AEBP2: variants seen among roughly 807,000 people sequenced by gnomAD.
The protein encoded by AEBP2 is zinc finger protein AEBP2.
A neutral mutation model predicts 50.8 loss-of-function variants in AEBP2; 10 were observed. The observed-to-expected ratio is 0.20, with a 90% CI of 0.12 to 0.33. The LOEUF is 0.33. Among genes scored for constraint, AEBP2 ranks in the 10% least tolerant of loss-of-function variants. The pLI, the probability that AEBP2 is intolerant of heterozygous loss-of-function variation, is 1.00. For synonymous variants in AEBP2, 296 were observed against 261.3 expected (o/e 1.13, Z -1.28); for missense variants, 570 against 688.0 (o/e 0.83, Z 1.92).
rs1274690682 is a variant in AEBP2 at position 19,457,277 on chromosome 12, C to T, written c.672-5233C>T. 3.8e-6 allele frequency: 6 copies of T among 1,579,364 alleles called. No homozygotes were observed. In the African/African-American group the frequency reaches 8.1e-5, roughly 21 times the overall value. ...GAGATACCAGCTTCAAATTCACCAA[C>T]ACTGGCAGCAACAATCAGGACAGCA... On this transcript the variant is annotated intron_variant, in intron 1 of 7. Coordinates refer to ENST00000266508, the MANE Select transcript of AEBP2 (RefSeq NM_153207.5).
At chr12:19,508,955 A>G (rs1032481369) in intron 5 of AEBP2, 11 of 468,506 alleles carry the variant, frequency 2.3e-5, no homozygotes, top group Non-Finnish European at 3.7e-5. Context: ...TACAGCCTCT[A>G]ACAAAACAAG....
chr12:19,449,830 C>T (rs1284092578), intron 1 of AEBP2, among the ~76,000 whole-genome samples: 1 of 152,072 alleles, frequency 6.6e-6, no homozygotes, highest in Admixed American at 6.5e-5. Flanking sequence ...AAAAATACTA[C>T]TTAAGTTTCT....
At chr12:19,436,064 G>A (rs755860136), upstream of AEBP2, among the ~76,000 whole-genome samples, 3 of 152,130 alleles carry the variant, frequency 2.0e-5, no homozygotes, top group Non-Finnish European at 2.9e-5. Context: ...CAAGATACAG[G>A]TCACAAACTC....
At chr12:19,485,793 TAATGA>T (rs1948799553) in intron 3 of AEBP2, among the ~76,000 whole-genome samples, 1 of 150,590 alleles carries the variant, frequency 6.6e-6, no homozygotes, top group African/African-American at 2.4e-5. Context: ...GAAACTTAAA[TAATGA>T]AATGTAAGTT....
At chr12:19,493,184 A>G (rs866182396) in intron 3 of AEBP2, among the ~76,000 whole-genome samples, 1 of 152,090 alleles carries the variant, frequency 6.6e-6, no homozygotes, top group South Asian at 2.1e-4. Flanking sequence ...GGCAGATCAC[A>G]TGAGGCCAGG....
intron 1 of AEBP2, among the ~76,000 whole-genome samples, chr12:19,459,608 C>T (rs1948336422): frequency 6.6e-6 from 1 of 152,148 alleles, no homozygotes. Flanking sequence ...CAAGGTTAGT[C>T]TTGCAACAAC....
intron 4 of AEBP2, among the ~76,000 whole-genome samples, chr12:19,499,201 A>G (rs954089654): frequency 1.3e-5 from 2 of 152,206 alleles, no homozygotes; most frequent in Non-Finnish European, 2.9e-5. Context: ...CACACACGTG[A>G]TAACTGGTGG....
intron 2 of AEBP2, among the ~76,000 whole-genome samples, chr12:19,464,136 GT>G (rs1948429064): frequency 2.0e-5 from 3 of 152,122 alleles, no homozygotes; most frequent in Admixed American, 2.0e-4. Flanking sequence ...CCTATGATCT[GT>G]TAACTAACTG....
chr12:19,452,058 T>C (rs1389591891), intron 1 of AEBP2, among the ~76,000 whole-genome samples: 1 of 152,028 alleles, frequency 6.6e-6, no homozygotes, highest in Non-Finnish European at 1.5e-5. Flanking sequence ...ACCCAGCTAA[T>C]TTTTGTATTT....
At chr12:19,440,763 C>G (rs1343180579) in intron 1 of AEBP2, 1 of 1,533,466 alleles carries the variant, frequency 6.5e-7, no homozygotes, top group Non-Finnish European at 8.7e-7. Context: ...GAACACTTGT[C>G]AGAACTACAA....
intron 3 of AEBP2, among the ~76,000 whole-genome samples, chr12:19,481,073 T>A (rs1383916745): frequency 6.7e-6 from 1 of 149,654 alleles, no homozygotes; most frequent in East Asian, 2.0e-4. Flanking sequence ...CTACTGTTAT[T>A]GAAACTTTGC....
intron 4 of AEBP2, among the ~76,000 whole-genome samples, chr12:19,494,721 A>G (rs954107486): frequency 1.3e-5 from 2 of 151,950 alleles, no homozygotes; most frequent in African/African-American, 2.4e-5. Context: ...CATAGTACCT[A>G]GTCTATTGTA....
At chr12:19,458,360 C>T (rs541386333) in intron 1 of AEBP2, among the ~76,000 whole-genome samples, 4 of 152,290 alleles carry the variant, frequency 2.6e-5, no homozygotes, top group South Asian at 2.1e-4. Flanking sequence ...TGAAGCAGAA[C>T]TTCTGTTGGC....
intron 1 of AEBP2, among the ~76,000 whole-genome samples, chr12:19,428,549 C>G (rs1438016896): frequency 6.6e-6 from 1 of 152,196 alleles, no homozygotes; most frequent in Non-Finnish European, 1.5e-5. Flanking sequence ...CGGTGGCTCA[C>G]GCCTGTAATT....
At chr12:19,481,512 C>A (rs1361953234) in intron 3 of AEBP2, among the ~76,000 whole-genome samples, 1 of 150,640 alleles carries the variant, frequency 6.6e-6, no homozygotes, top group African/African-American at 2.4e-5. Flanking sequence ...TGTTCTGTCA[C>A]CCAGGCTGGA....
At chr12:19,505,980 G>A (rs1193885991) in intron 5 of AEBP2, among the ~76,000 whole-genome samples, 2 of 151,522 alleles carry the variant, frequency 1.3e-5, no homozygotes, top group Admixed American at 1.3e-4. Context: ...TTGTAGAGAT[G>A]ACATCTTGCT....
At chr12:19,489,055 C>G (rs1948858232) in intron 3 of AEBP2, among the ~76,000 whole-genome samples, 1 of 152,110 alleles carries the variant, frequency 6.6e-6, no homozygotes, top group South Asian at 2.1e-4. Flanking sequence ...TGCCAGAGTG[C>G]TGGGATTACA....
rs1949394664 is a variant in AEBP2, at chr12:19,521,296, A to G, written c.*3179A>G. On this transcript the variant is annotated 3_prime_UTR_variant, in exon 8 of 8. Coordinates refer to ENST00000266508, the MANE Select transcript of AEBP2 (RefSeq NM_153207.5). Reference sequence around the variant, plus strand: ...TAGTGAAAGCTGTTTCATGTATTTTACAGTAAATACTGCCATATTAGGTAC... The same window carrying G: ...TAGTGAAAGCTGTTTCATGTATTTTGCAGTAAATACTGCCATATTAGGTAC... The G allele has an allele frequency of 6.6e-6, 1 of 152,178 alleles. No homozygotes were observed. The highest frequency in any genetic ancestry group is 2.1e-4 in the South Asian group (1 of 4,826). The allele number at this position is 152,178 out of a possible 1,614,324, so 9.4% of individuals were successfully genotyped here.
chr12:19,494,602 A>T (rs1406464060), intron 4 of AEBP2, among the ~76,000 whole-genome samples: 1 of 151,280 alleles, frequency 6.6e-6, no homozygotes, highest in Non-Finnish European at 1.5e-5. Flanking sequence ...GCTGGTCTCA[A>T]ACTCCCGACC....
Sources: allele counts gnomAD v4.1 joint callset (sites outside exome capture counted in the v4.1 genomes callset), GRCh38; gene constraint gnomAD v4.1.1; transcripts MANE v1.5; gene names NCBI Gene and HGNC (gene_info 2026-07-23, HGNC 2026-07-21).